The following CNTN1 variants were observed in gnomAD, a reference collection of about 807,000 sequenced individuals.
The protein encoded by CNTN1 is contactin-1.
In CNTN1, 38 loss-of-function variants were observed where a neutral mutation model predicts 126.4. The observed-to-expected ratio is 0.30, with a 90% confidence interval of 0.23 to 0.39. The LOEUF is 0.39. Among genes scored for constraint, CNTN1 ranks in the 10% least tolerant of loss-of-function variants. The probability of loss-of-function intolerance (pLI) is 1.00; values close to 1 mark genes in which losing one functional copy is unlikely to be tolerated. For synonymous variants in CNTN1, 413 were observed against 422.6 expected, an observed-to-expected ratio of 0.98 and a Z score of 0.28; for missense variants, 1,009 against 1,248.4, an observed-to-expected ratio of 0.81 and a Z score of 2.89.
intron 20 of CNTN1, among the ~76,000 whole-genome samples, chr12:41,021,197 C>T (rs1948898912): frequency 6.6e-6 from 1 of 152,186 alleles, no homozygotes; most frequent in African/African-American, 2.4e-5. Context: ...GATTTGACAA[C>T]TTGCCTGAGT....
chr12:40,911,282 A>G (rs566858000), intron 3 of CNTN1, among the ~76,000 whole-genome samples: 9 of 151,916 alleles, frequency 5.9e-5, no homozygotes, highest in South Asian at 2.1e-4. Context: ...GGGTTTCACC[A>G]TATTAGCCAG....
At chr12:41,023,747 A>G (rs1335924053) in intron 20 of CNTN1, among the ~76,000 whole-genome samples, 1 of 152,230 alleles carries the variant, frequency 6.6e-6, no homozygotes, top group Non-Finnish European at 1.5e-5. Flanking sequence ...GGTGAGCCGA[A>G]ACTGATTACT....
chr12:40,943,568 G>A, intron 12 of CNTN1, 29 bp from the exon 13 acceptor site: 1 of 1,493,470 alleles, frequency 6.7e-7, no homozygotes, highest in Non-Finnish European at 9.3e-7. Flanking sequence ...AATCAGGTTT[G>A]TGAATTATAT....
intron 1 of CNTN1, among the ~76,000 whole-genome samples, chr12:40,733,801 A>G (rs1942555431): frequency 6.6e-6 from 1 of 152,114 alleles, no homozygotes; most frequent in Admixed American, 6.6e-5. Flanking sequence ...GAAAGAGTAC[A>G]GTCTTCAATT....
intron 16 of CNTN1, among the ~76,000 whole-genome samples, chr12:40,992,374 C>T (rs949482127): frequency 6.6e-6 from 1 of 152,092 alleles, no homozygotes; most frequent in African/African-American, 2.4e-5. Flanking sequence ...GACAAGCCTA[C>T]AGGTACAGGT....
chr12:40,734,393 T>G (rs1344294727), intron 1 of CNTN1, among the ~76,000 whole-genome samples: 1 of 152,122 alleles, frequency 6.6e-6, no homozygotes, highest in Non-Finnish European at 1.5e-5. Flanking sequence ...TGAGATTCAA[T>G]GTAATAAATA....
At chr12:40,833,071 T>A (rs1372382514) in intron 1 of CNTN1, among the ~76,000 whole-genome samples, 4 of 152,090 alleles carry the variant, frequency 2.6e-5, no homozygotes, top group Non-Finnish European at 5.9e-5. Flanking sequence ...ATCTTTTTTT[T>A]TTGAGATGGA....
chr12:41,042,001 T>C (rs1239004705), intron 23 of CNTN1, among the ~76,000 whole-genome samples: 1 of 152,188 alleles, frequency 6.6e-6, no homozygotes, highest in African/African-American at 2.4e-5. Context: ...CTTTTAATTG[T>C]GATGTTAGGG....
intron 1 of CNTN1, among the ~76,000 whole-genome samples, chr12:40,708,210 A>C (rs1349635237): frequency 6.6e-6 from 1 of 152,152 alleles, no homozygotes; most frequent in African/African-American, 2.4e-5. Context: ...GTTTCTGGCA[A>C]GCTATGAGCA....
At chr12:41,002,146 TAA>T (rs1469285013) in intron 17 of CNTN1, among the ~76,000 whole-genome samples, 2 of 152,206 alleles carry the variant, frequency 1.3e-5, no homozygotes, top group Non-Finnish European at 2.9e-5. Context: ...ATGTGAATTT[TAA>T]AAGAGTCTTT....
Position 41,058,624 on chromosome 12 carries a change from A to C in CNTN1, c.2981-11335A>C, listed in dbSNP as rs113661499. On this transcript the variant is annotated intron_variant, in intron 23 of 23. Coordinates refer to ENST00000551295, the MANE Select transcript of CNTN1 (RefSeq NM_001843.4). ...TTTTTAACTTAAAAAGAATTTGAAA[A>C]GAACTTAAAATTTCAAGGTTTAACA... Among the ~76,000 whole-genome samples, 604 of 152,268 alleles carry C rather than the reference A, an allele frequency of 4.0e-3. 7 individuals carry two copies. Among genetic ancestry groups the C allele is most frequent in the African/African-American group, 0.014 (580 of 41,574 alleles).
chr12:40,779,906 G>A (rs572758279), intron 1 of CNTN1, among the ~76,000 whole-genome samples: 4 of 152,034 alleles, frequency 2.6e-5, no homozygotes, highest in Non-Finnish European at 4.4e-5. Flanking sequence ...TTCTGTTTCT[G>A]CCATTGTTAT....
At chr12:40,892,458 G>C (rs1350936925) in intron 1 of CNTN1, among the ~76,000 whole-genome samples, 1 of 151,976 alleles carries the variant, frequency 6.6e-6, no homozygotes, top group Non-Finnish European at 1.5e-5. Flanking sequence ...GGCTGTATTA[G>C]GTTACTGACT....
intron 1 of CNTN1, among the ~76,000 whole-genome samples, chr12:40,894,834 A>G (rs1366228505): frequency 6.6e-6 from 1 of 152,134 alleles, no homozygotes; most frequent in East Asian, 1.9e-4. Context: ...GGGGAATTTG[A>G]GTGTCATTTC....
intron 1 of CNTN1, among the ~76,000 whole-genome samples, chr12:40,752,185 C>T (rs1194931728): frequency 6.6e-6 from 1 of 152,042 alleles, no homozygotes; most frequent in Non-Finnish European, 1.5e-5. Flanking sequence ...TGTATGGTCA[C>T]GTGTTTATAA....
intron 1 of CNTN1, among the ~76,000 whole-genome samples, chr12:40,838,445 AATCTGAGCAAGAC>A (rs1167318763): frequency 6.6e-6 from 1 of 152,168 alleles, no homozygotes; most frequent in East Asian, 1.9e-4. Context: ...CCACTACTGG[AATCTGAGCAAGAC>A]ATCTGGAGTT....
chr12:40,699,096 C>G (rs546278739), intron 1 of CNTN1, among the ~76,000 whole-genome samples: 1 of 137,118 alleles, frequency 7.3e-6, no homozygotes, highest in Admixed American at 7.5e-5. Context: ...GATATCCCTG[C>G]CGTGTCACTT....
chr12:41,018,658 A>G (rs990399951), intron 19 of CNTN1, among the ~76,000 whole-genome samples: 1 of 150,012 alleles, frequency 6.7e-6, no homozygotes, highest in East Asian at 1.9e-4. Context: ...TTTTTACTAT[A>G]TTTTTTACTG....
chr12:40,944,406 T>C (rs2136953724), intron 14 of CNTN1, among the ~76,000 whole-genome samples: 2 of 152,148 alleles, frequency 1.3e-5, no homozygotes, highest in South Asian at 4.1e-4. Flanking sequence ...TTAATTGGGC[T>C]TTAGGTATGA....
Sources: gnomAD v4.1 joint callset for allele counts (sites outside exome capture counted in the v4.1 genomes callset) on GRCh38, gnomAD v4.1.1 for gene constraint, MANE v1.5 for transcripts, NCBI Gene and HGNC (gene_info 2026-07-23, HGNC 2026-07-21) for gene names.